The following EYS variants were observed in gnomAD, a reference collection of about 807,000 sequenced individuals.
EYS encodes the protein protein eyes shut homolog.
In EYS, 250 loss-of-function variants were observed where a neutral mutation model predicts 282.1. That is an observed-to-expected ratio of 0.89 (90% confidence interval 0.80 to 0.98). The LOEUF (loss-of-function observed/expected upper bound fraction) is 0.98, where lower values mean the gene tolerates loss of function less well. EYS is among the 50% of genes least tolerant of loss of function. The pLI, the probability that EYS is intolerant of heterozygous loss-of-function variation, is 0.00. For synonymous variants in EYS, 1,355 were observed against 1,282.9 expected (o/e 1.06, Z -1.20); for missense variants, 4,016 against 3,709.0 (o/e 1.08, Z -2.15).
chr6:64,256,902 A>G (rs1000348856), intron 30 of EYS, among the ~76,000 whole-genome samples: 2 of 151,966 alleles, frequency 1.3e-5, no homozygotes, highest in African/African-American at 2.4e-5. Flanking sequence ...AAATAAATCC[A>G]TATCTCTCCA....
intron 1 of EYS, among the ~76,000 whole-genome samples, chr6:65,667,507 T>A (rs1175623817): frequency 6.6e-6 from 1 of 151,890 alleles, no homozygotes; most frequent in Non-Finnish European, 1.5e-5. Flanking sequence ...ACCATATTCT[T>A]ATGATTCAGA....
chr6:63,994,101 A>G (rs1767726206), intron 34 of EYS, among the ~76,000 whole-genome samples: 1 of 151,956 alleles, frequency 6.6e-6, no homozygotes, highest in South Asian at 2.1e-4. Flanking sequence ...GTGTCATTTT[A>G]TAATGAGCAA....
At chr6:64,374,838 CAG>C (rs940259563) in intron 29 of EYS, among the ~76,000 whole-genome samples, 2 of 152,160 alleles carry the variant, frequency 1.3e-5, no homozygotes, top group African/African-American at 4.8e-5. Context: ...ATGAGAGAGA[CAG>C]AGACAGGGAG....
At chr6:65,211,061 A>G (rs1161871724) in intron 12 of EYS, among the ~76,000 whole-genome samples, 1 of 152,032 alleles carries the variant, frequency 6.6e-6, no homozygotes, top group Non-Finnish European at 1.5e-5. Flanking sequence ...GAGGAAATGT[A>G]AAATGGGGAA....
chr6:65,271,153 TGAAG>T (rs1767892750), intron 12 of EYS, among the ~76,000 whole-genome samples: 5 of 131,118 alleles, frequency 3.8e-5, no homozygotes, highest in South Asian at 2.5e-4. Context: ...TATATATATA[TGAAG>T]ATTTATTATA....
chr6:63,881,893 A>T (rs1335195753), intron 35 of EYS, among the ~76,000 whole-genome samples: 5 of 152,222 alleles, frequency 3.3e-5, no homozygotes, highest in African/African-American at 1.2e-4. Context: ...TGCTAGTTTA[A>T]TCACATATAG....
At chr6:63,867,293 AT>A (rs1346946047) in intron 35 of EYS, among the ~76,000 whole-genome samples, 1 of 152,150 alleles carries the variant, frequency 6.6e-6, no homozygotes. Context: ...TATGAAATAT[AT>A]TTTTTTCATG....
chr6:63,955,508 A>G (rs1459500504), intron 35 of EYS, among the ~76,000 whole-genome samples: 1 of 152,098 alleles, frequency 6.6e-6, no homozygotes, highest in Non-Finnish European at 1.5e-5. Flanking sequence ...ACCTCTCCCC[A>G]GCTATCTCCA....
intron 12 of EYS, among the ~76,000 whole-genome samples, chr6:65,197,374 A>C (rs976624787): frequency 6.6e-6 from 1 of 152,074 alleles, no homozygotes; most frequent in Non-Finnish European, 1.5e-5. Flanking sequence ...GAGTAACTAA[A>C]AAGAGACAGC....
At chr6:64,222,234 T>G (rs564995491) in intron 31 of EYS, among the ~76,000 whole-genome samples, 9 of 152,210 alleles carry the variant, frequency 5.9e-5, no homozygotes, top group East Asian at 5.8e-4. Flanking sequence ...AGTTTTCAAT[T>G]TCATTAATAA....
At chr6:64,278,463 GA>G (rs1187119332) in intron 30 of EYS, among the ~76,000 whole-genome samples, 5 of 151,908 alleles carry the variant, frequency 3.3e-5, no homozygotes, top group African/African-American at 1.2e-4. Flanking sequence ...CAGAATTTTG[GA>G]GTTGTAAATT....
intron 29 of EYS, among the ~76,000 whole-genome samples, chr6:64,383,113 C>A (rs1373540217): frequency 7.2e-5 from 11 of 151,986 alleles, no homozygotes; most frequent in Admixed American, 6.6e-4. Flanking sequence ...CATAGAGAAA[C>A]CCCATATCTA....
intron 2 of EYS, among the ~76,000 whole-genome samples, chr6:65,515,685 G>C (rs188200357): frequency 6.7e-6 from 1 of 149,760 alleles, no homozygotes; most frequent in South Asian, 2.1e-4. Flanking sequence ...GTAAACTATC[G>C]CAAGGACAAA....
chr6:64,279,423 T>C (rs895854147), intron 30 of EYS, among the ~76,000 whole-genome samples: 1 of 152,126 alleles, frequency 6.6e-6, no homozygotes, highest in African/African-American at 2.4e-5. Context: ...GGTTGAGGAA[T>C]AAAGGCCATG....
chr6:63,794,269 A>T (rs963332689), intron 37 of EYS, among the ~76,000 whole-genome samples: 1 of 152,170 alleles, frequency 6.6e-6, no homozygotes, highest in African/African-American at 2.4e-5. Context: ...CCTGACCATA[A>T]CTTTGTGTAC....
intron 28 of EYS, among the ~76,000 whole-genome samples, chr6:64,409,209 A>G (rs191422167): frequency 6.6e-6 from 1 of 152,268 alleles, no homozygotes; most frequent in East Asian, 1.9e-4. Context: ...ATGGGCATCT[A>G]GGTTGATTCC....
intron 28 of EYS, among the ~76,000 whole-genome samples, chr6:64,403,629 T>A (rs1295729682): frequency 6.6e-6 from 1 of 152,190 alleles, no homozygotes; most frequent in Non-Finnish European, 1.5e-5. Flanking sequence ...AGTGCTGGGA[T>A]TACAGGCGTG....
At chr6:65,617,010 T>A (rs1766224869) in intron 2 of EYS, among the ~76,000 whole-genome samples, 1 of 152,180 alleles carries the variant, frequency 6.6e-6, no homozygotes, top group Non-Finnish European at 1.5e-5. Flanking sequence ...AAACATCATA[T>A]GCAGTTACAA....
chr6:64,552,239 G>A (rs1405198192), intron 26 of EYS, among the ~76,000 whole-genome samples: 1 of 152,180 alleles, frequency 6.6e-6, no homozygotes, highest in Non-Finnish European at 1.5e-5. Flanking sequence ...CAGACTCTTT[G>A]TAGCAATAAG....
Sources: gnomAD v4.1 joint callset for allele counts (sites outside exome capture counted in the v4.1 genomes callset) on GRCh38, gnomAD v4.1.1 for gene constraint, MANE v1.5 for transcripts, NCBI Gene and HGNC (gene_info 2026-07-23, HGNC 2026-07-21) for gene names.